DIP2C: variants seen among roughly 807,000 people sequenced by gnomAD.
The protein encoded by DIP2C is DIP2 acetate--CoA ligase C (putative), also known as disco-interacting protein 2 homolog C.
In DIP2C, 33 loss-of-function variants were observed where a neutral mutation model predicts 192.4. The observed-to-expected ratio is 0.17, with a 90% confidence interval of 0.13 to 0.23. The LOEUF (loss-of-function observed/expected upper bound fraction) is 0.23. Among genes scored for constraint, DIP2C ranks in the 10% least tolerant of loss-of-function variants. The pLI, the probability that DIP2C is intolerant of heterozygous loss-of-function variation, is 1.00. For missense variants in DIP2C, 1,537 were observed against 2,110.1 expected (o/e 0.73, Z 5.32); for synonymous variants, 979 against 864.1 (o/e 1.13, Z -2.33).
intron 1 of DIP2C, among the ~76,000 whole-genome samples, chr10:550,006 CTTTTTTT>C (rs11461177): frequency 1.5e-5 from 2 of 134,774 alleles, no homozygotes; most frequent in South Asian, 2.5e-4. Context: ...GGACGTGTAG[CTTTTTTT>C]TTTTTTTTTT....
At chr10:528,158 T>A (rs573466259) in intron 1 of DIP2C, among the ~76,000 whole-genome samples, 1 of 151,996 alleles carries the variant, frequency 6.6e-6, no homozygotes, top group East Asian at 1.9e-4. Flanking sequence ...ACCTCCTTGG[T>A]TCCTCAAGCT....
chr10:387,826 G>A lies in DIP2C; in HGVS notation c.1598-17C>T, dbSNP rs948121549. On this transcript the variant is annotated splice_polypyrimidine_tract_variant and intron_variant, in intron 13 of 36. Coordinates refer to ENST00000280886, the MANE Select transcript of DIP2C (RefSeq NM_014974.3). ...TGGTTTCAGCTGCACAACAGAGGGA[G>A]TCAGGAGATTTTTACTTAGGACAGG... 4 of 1,614,144 alleles carry A rather than the reference G, an allele frequency of 2.5e-6. No individual in the cohort carries two copies. Among genetic ancestry groups the A allele is most frequent in the African/African-American group, 1.3e-5 (1 of 75,046 alleles).
chr10:674,789 T>TAGAGAGAGAGAGAGAG (rs1554772102), intron 1 of DIP2C, among the ~76,000 whole-genome samples: 2 of 62,484 alleles, frequency 3.2e-5, no homozygotes, highest in African/African-American at 9.0e-5. Context: ...TATATATATA[T>TAGAGAGAGAGAGAGAG]AGAGAGAGAG....
chr10:325,340 AATGT>A (rs1470925688), intron 31 of DIP2C, among the ~76,000 whole-genome samples: 1 of 152,148 alleles, frequency 6.6e-6, no homozygotes, highest in Non-Finnish European at 1.5e-5. Flanking sequence ...GAGGAAAATA[AATGT>A]ATGTACTCTA....
chr10:357,808 C>T lies in DIP2C; in HGVS notation c.2904+20G>A, dbSNP rs1048943432. 2 of 1,596,652 alleles carry T rather than the reference C, an allele frequency of 1.3e-6. No individual in the cohort carries two copies. Among genetic ancestry groups the T allele is most frequent in the Non-Finnish European group, 1.7e-6 (2 of 1,166,356 alleles). On this transcript the variant is annotated intron_variant, in intron 23 of 36. Coordinates refer to ENST00000280886, the MANE Select transcript of DIP2C (RefSeq NM_014974.3). ...GAAAAGTCGGGGACGGTCGGGGAGA[C>T]TCAGGGACCCAGCTCCTACCTTGCG...
At chr10:556,638 G>A (rs1848889572) in intron 1 of DIP2C, among the ~76,000 whole-genome samples, 1 of 151,776 alleles carries the variant, frequency 6.6e-6, no homozygotes, top group East Asian at 2.0e-4. Flanking sequence ...CCACAATGTT[G>A]CCACCCTGCC....
chr10:417,590 T>G (rs965743292), intron 6 of DIP2C, among the ~76,000 whole-genome samples: 1 of 151,288 alleles, frequency 6.6e-6, no homozygotes, highest in Non-Finnish European at 1.5e-5. Context: ...GTGCGCCTGT[T>G]GGAGCTAGGA....
intron 1 of DIP2C, among the ~76,000 whole-genome samples, chr10:509,726 A>C (rs989794520): frequency 2.0e-5 from 3 of 152,174 alleles, no homozygotes; most frequent in African/African-American, 7.2e-5. Context: ...AAGGGCCGAC[A>C]AACCCCACAA....
At chr10:551,972 TGA>T (rs1216556136) in intron 1 of DIP2C, among the ~76,000 whole-genome samples, 1 of 152,244 alleles carries the variant, frequency 6.6e-6, no homozygotes, top group Non-Finnish European at 1.5e-5. Flanking sequence ...TGTTGTGATC[TGA>T]GAACAGCCAC....
At position 657,036 on chromosome 10, in the gene DIP2C, GCTGGACCTGCCA is replaced by G. The variant is rs1302965059; in HGVS notation, c.85+32446_85+32457del. Among the ~76,000 whole-genome samples, 890 of 151,988 alleles carry G rather than the reference GCTGGACCTGCCA, an allele frequency of 5.9e-3. 10 individuals carry two copies. The highest frequency in any genetic ancestry group is 0.02 in the African/African-American group (837 of 41,282). ...TTCACATGGGCCATGTGGAAAGTTG[GCTGGACCTGCCA>G]CTGGACCTGACACTGGACATGCTGC... On this transcript the variant is annotated intron_variant, in intron 1 of 36. Coordinates refer to ENST00000280886, the MANE Select transcript of DIP2C (RefSeq NM_014974.3).
intron 1 of DIP2C, among the ~76,000 whole-genome samples, chr10:675,898 C>T (rs1347725019): frequency 6.6e-6 from 1 of 152,148 alleles, no homozygotes; most frequent in Non-Finnish European, 1.5e-5. Flanking sequence ...TGGAATTCTG[C>T]CAAGTTCATT....
intron 20 of DIP2C, 82 bp downstream of exon 20, chr10:364,292 G>A: frequency 2.0e-6 from 3 of 1,473,754 alleles, no homozygotes; most frequent in East Asian, 2.3e-5. Context: ...TAAGGAAACT[G>A]TGCAACTTTC....
chr10:448,207 ACCCACTCATTCCC>A (rs1968464979), intron 3 of DIP2C, among the ~76,000 whole-genome samples: 1 of 127,166 alleles, frequency 7.9e-6, no homozygotes, highest in Admixed American at 7.2e-5. Flanking sequence ...CGGCAGCAGG[ACCCACTCATTCCC>A]GTCAATAATC....
chr10:400,005 A>C (rs2133023132), intron 9 of DIP2C, among the ~76,000 whole-genome samples: 1 of 152,322 alleles, frequency 6.6e-6, no homozygotes, highest in East Asian at 1.9e-4. Flanking sequence ...AAGTGTGGTT[A>C]ATGTAAATTA....
At chr10:434,694 A>G (rs1355716319) in intron 4 of DIP2C, among the ~76,000 whole-genome samples, 1 of 148,832 alleles carries the variant, frequency 6.7e-6, no homozygotes, top group Admixed American at 6.6e-5. Context: ...TTTCTCTGAG[A>G]AAGTCTTTAC....
intron 1 of DIP2C, among the ~76,000 whole-genome samples, chr10:493,865 C>G (rs1165028570): frequency 6.6e-6 from 1 of 152,264 alleles, no homozygotes; most frequent in African/African-American, 2.4e-5. Flanking sequence ...CCCAAGGCAT[C>G]TGGCCAAGGG....
At chr10:417,930 CAG>C (rs1251473492) in intron 6 of DIP2C, among the ~76,000 whole-genome samples, 1 of 105,360 alleles carries the variant, frequency 9.5e-6, no homozygotes, top group African/African-American at 3.8e-5. Flanking sequence ...CTGTTCCTGT[CAG>C]GGCTTCGATA....
At chr10:618,415 G>A (rs1853613457) in intron 1 of DIP2C, among the ~76,000 whole-genome samples, 1 of 152,202 alleles carries the variant, frequency 6.6e-6, no homozygotes, top group African/African-American at 2.4e-5. Flanking sequence ...GACGCCCGCA[G>A]GCCCCTGGAG....
In DIP2C at chr10:399,123, G is replaced by C; in HGVS notation, c.1246C>G (p.Pro416Ala). ...GCATTCCTTACCTTCCTGGTGAGCG[G>C]CACCTCGATGGGCACGGGGACCACC... ...AEVVPVPIEV[P>A]LTRKDAGSQQ... The change falls in exon 10 of 37, where the codon CCG (proline) becomes GCG (alanine). Residue 416 changes from proline to alanine, a missense_variant. Transcript: ENST00000280886. 1 of 1,613,584 alleles carries C rather than the reference G, an allele frequency of 6.2e-7. No individual in the cohort carries two copies.
Sources: gnomAD v4.1 joint callset for allele counts (sites outside exome capture counted in the v4.1 genomes callset) on GRCh38, gnomAD v4.1.1 for gene constraint, MANE v1.5 for transcripts, NCBI Gene and HGNC (gene_info 2026-07-23, HGNC 2026-07-21) for gene names.